Variants in TMEM131 observed in about 807,000 individuals in gnomAD.
TMEM131 encodes transmembrane protein 131.
In TMEM131, 66 loss-of-function variants were observed where a neutral mutation model predicts 211.6. The ratio of observed to expected loss-of-function variants is 0.31; its 90% CI spans 0.26 to 0.38. The LOEUF is 0.38. Among genes scored for constraint, TMEM131 ranks in the 10% least tolerant of loss-of-function variants. The pLI, the probability that TMEM131 is intolerant of heterozygous loss-of-function variation, is 1.00. For synonymous variants in TMEM131, 844 were observed against 841.3 expected (o/e 1.00, Z -0.06); for missense variants, 2,036 against 2,299.3 (o/e 0.89, Z 2.34).
rs1325780555 is a variant in TMEM131 at position 97,814,287 on chromosome 2, G to A, written c.1394C>T (p.Ala465Val). 8 of 1,613,766 alleles carry A rather than the reference G, an allele frequency of 5.0e-6. No individual in the cohort carries two copies. The highest frequency in any genetic ancestry group is 3.3e-4 in the Middle Eastern group (2 of 6,062). Residue 465 changes from alanine (A) to valine (V), a missense_variant, in exon 14 of 41, where the codon GCG (alanine) becomes GTG (valine). Physicochemically the swap from Ala to Val is moderately conservative, Grantham distance 64. This residue lies in a region of TMEM131 where 1,623 missense variants were observed against 1,805.9 expected (regional missense o/e 0.90). Transcript: ENST00000186436. The part of the protein sequence containing the change: ...PIYLTNTFSF[A>V]ILIHDVLLPE... ...TAGCAACACATCGTGAATGAGGATC[G>A]CAAAACTGAAAGTGTTAGTAAGGTA...
chr2:97,839,207 G>A (rs905092337), intron 7 of TMEM131, among the ~76,000 whole-genome samples: 22 of 152,058 alleles, frequency 1.4e-4, no homozygotes, highest in Non-Finnish European at 8.8e-5. Context: ...TGCACCTGTA[G>A]TCCCAACTAC....
intron 1 of TMEM131, among the ~76,000 whole-genome samples, chr2:97,991,800 A>G (rs1238256923): frequency 6.6e-6 from 1 of 152,248 alleles, no homozygotes; most frequent in Non-Finnish European, 1.5e-5. Flanking sequence ...TCAAGCACCT[A>G]GCAAAGATTT....
chr2:97,942,539 A>T (rs1219209060), intron 1 of TMEM131, among the ~76,000 whole-genome samples: 1 of 152,170 alleles, frequency 6.6e-6, no homozygotes, highest in African/African-American at 2.4e-5. Context: ...AATGCTACAA[A>T]AAGAAATGAA....
intron 2 of TMEM131, among the ~76,000 whole-genome samples, chr2:97,927,099 C>T (rs6543210): frequency 0.75 from 114,206 of 152,120 alleles, 44,571 homozygotes; most frequent in African/African-American, 0.87. Context: ...AGTTTTAAAA[C>T]ATACAAAGCT....
chr2:97,785,758 C>T (rs906331687), intron 31 of TMEM131, among the ~76,000 whole-genome samples: 5 of 152,132 alleles, frequency 3.3e-5, no homozygotes, highest in Admixed American at 2.0e-4. Context: ...CCAAATTAGA[C>T]ATAATCCAAA....
At chr2:97,991,350 A>C (rs1171814777) in intron 1 of TMEM131, among the ~76,000 whole-genome samples, 3 of 152,224 alleles carry the variant, frequency 2.0e-5, no homozygotes, top group Non-Finnish European at 4.4e-5. Context: ...GAAATGGCGA[A>C]AGGCGGTAGG....
chr2:97,968,972 ACTTGG>A (rs1679178183), intron 1 of TMEM131, among the ~76,000 whole-genome samples: 1 of 151,900 alleles, frequency 6.6e-6, no homozygotes, highest in Non-Finnish European at 1.5e-5. Context: ...AGTCTTAGCT[ACTTGG>A]GAGGCTAAGA....
chr2:97,771,888 C>T (rs1679484362), intron 33 of TMEM131, among the ~76,000 whole-genome samples: 1 of 152,194 alleles, frequency 6.6e-6, no homozygotes, highest in African/African-American at 2.4e-5. Context: ...TGGCATGGAA[C>T]TCTAGATCCC....
intron 4 of TMEM131, among the ~76,000 whole-genome samples, chr2:97,862,816 T>G (rs1395790177): frequency 6.6e-6 from 1 of 152,172 alleles, no homozygotes; most frequent in African/African-American, 2.4e-5. Flanking sequence ...GTAGAAAGTT[T>G]ATTTAAAGTG....
intron 1 of TMEM131, among the ~76,000 whole-genome samples, chr2:97,976,107 G>C (rs552976439): frequency 6.6e-5 from 10 of 152,234 alleles, no homozygotes; most frequent in African/African-American, 2.4e-4. Context: ...ATACTTAATG[G>C]TGGAAGACTG....
intron 1 of TMEM131, among the ~76,000 whole-genome samples, chr2:97,978,494 C>T (rs1264865544): frequency 6.6e-6 from 1 of 152,140 alleles, no homozygotes; most frequent in Non-Finnish European, 1.5e-5. Context: ...TAACAATCCT[C>T]CCACCACAGC....
rs1209719503 is a variant in TMEM131 at position 97,925,770 on chromosome 2, A to AT, written c.249+1655dup. 2.6e-5 allele frequency among the ~76,000 whole-genome samples: 4 copies of AT among 152,100 alleles called. No homozygotes were observed. In the East Asian group the frequency reaches 7.7e-4, roughly 29 times the overall value. On this transcript the variant is annotated intron_variant, in intron 2 of 40. Coordinates refer to ENST00000186436, the MANE Select transcript of TMEM131 (RefSeq NM_015348.2). ...ATCTTTTTGGCAATTTTTAAAATTT[A>AT]TTTTTTTACTGATTTCTTATCAGTT...
At chr2:97,916,080 A>G (rs1676495613) in intron 2 of TMEM131, among the ~76,000 whole-genome samples, 2 of 151,796 alleles carry the variant, frequency 1.3e-5, no homozygotes, top group South Asian at 2.1e-4. Flanking sequence ...CGCCCAGCTA[A>G]TTTTTTTTAA....
intron 15 of TMEM131, among the ~76,000 whole-genome samples, chr2:97,813,443 T>C (rs1681657767): frequency 1.3e-5 from 2 of 152,232 alleles, no homozygotes; most frequent in African/African-American, 4.8e-5. Context: ...AAGATAGCTT[T>C]GTTTGGAATT....
At chr2:97,954,662 T>G (rs962500444) in intron 1 of TMEM131, among the ~76,000 whole-genome samples, 1 of 151,884 alleles carries the variant, frequency 6.6e-6, no homozygotes, top group Non-Finnish European at 1.5e-5. Context: ...AAAAATTAGC[T>G]GGGCGTGGTG....
chr2:97,838,964 A>T (rs1683065133), intron 7 of TMEM131, among the ~76,000 whole-genome samples: 3 of 152,212 alleles, frequency 2.0e-5, no homozygotes, highest in Admixed American at 2.0e-4. Flanking sequence ...GGAAAACCAG[A>T]AAACATCACA....
At chr2:97,879,240 A>G (rs912310136) in intron 4 of TMEM131, among the ~76,000 whole-genome samples, 81 of 152,146 alleles carry the variant, frequency 5.3e-4, no homozygotes, top group Non-Finnish European at 1.3e-4. Flanking sequence ...GGATACCGGC[A>G]GTGAGAGAGA....
chr2:97,885,831 G>C (rs997627187), intron 4 of TMEM131, among the ~76,000 whole-genome samples: 2 of 152,122 alleles, frequency 1.3e-5, no homozygotes, highest in Non-Finnish European at 2.9e-5. Context: ...TTCAAGACTT[G>C]GGAAGTTTTC....
intron 4 of TMEM131, 188 bp downstream of exon 4, chr2:97,887,864 A>T (rs1573512978): frequency 2.1e-6 from 1 of 477,398 alleles, no homozygotes. Context: ...AGTTAATATT[A>T]CATGTTAGAC....
Sources: allele counts gnomAD v4.1 joint callset (sites outside exome capture counted in the v4.1 genomes callset), GRCh38; gene constraint gnomAD v4.1.1; regional missense constraint gnomAD v4.1.1; transcripts MANE v1.5; gene names NCBI Gene and HGNC (gene_info 2026-07-23, HGNC 2026-07-21).